Variants in MEF2A observed in about 807,000 individuals in gnomAD.
The protein encoded by MEF2A is myocyte enhancer factor 2A.
A neutral mutation model predicts 55.8 loss-of-function variants in MEF2A; 28 were observed. The ratio of observed to expected loss-of-function variants is 0.50; its 90% CI spans 0.37 to 0.69. The LOEUF is 0.69. Ranked by LOEUF, MEF2A falls within the 30% of genes least tolerant of loss-of-function variation. The pLI, the probability that MEF2A is intolerant of heterozygous loss-of-function variation, is 0.00. For missense variants in MEF2A, 528 were observed against 626.2 expected, an observed-to-expected ratio of 0.84 and a Z score of 1.67; for synonymous variants, 239 against 227.1, an observed-to-expected ratio of 1.05 and a Z score of -0.47.
intron 1 of MEF2A, among the ~76,000 whole-genome samples, chr15:99,597,859 A>G (rs917453775): frequency 6.6e-6 from 1 of 151,658 alleles, no homozygotes; most frequent in Non-Finnish European, 1.5e-5. Context: ...TGAATCATAG[A>G]CAGCCATCAG....
chr15:99,624,946 C>T (rs961586897), intron 2 of MEF2A, among the ~76,000 whole-genome samples: 2 of 152,058 alleles, frequency 1.3e-5, no homozygotes, highest in Non-Finnish European at 1.5e-5. Context: ...TACGATTTTT[C>T]GACTTTACAG....
At chr15:99,635,766 A>G (rs564648172) in intron 3 of MEF2A, among the ~76,000 whole-genome samples, 23 of 152,326 alleles carry the variant, frequency 1.5e-4, no homozygotes, top group Admixed American at 3.9e-4. Flanking sequence ...TATATCTTGT[A>G]CATTTTCATT....
At chr15:99,581,161 T>C (rs1199301238) in intron 1 of MEF2A, among the ~76,000 whole-genome samples, 1 of 152,164 alleles carries the variant, frequency 6.6e-6, no homozygotes, top group East Asian at 1.9e-4. Flanking sequence ...TAGTAAGTAG[T>C]CTGTCAGTAT....
At chr15:99,666,573 T>TA (rs1596986685) in intron 4 of MEF2A, among the ~76,000 whole-genome samples, 1 of 62,902 alleles carries the variant, frequency 1.6e-5, no homozygotes, top group Non-Finnish European at 4.4e-5. Context: ...TCCCAGAACT[T>TA]AAAGTATAAT....
intron 9 of MEF2A, among the ~76,000 whole-genome samples, chr15:99,704,027 C>CA (rs2057739738): frequency 6.6e-6 from 1 of 152,292 alleles, no homozygotes; most frequent in East Asian, 1.9e-4. Flanking sequence ...TGACTAAAAG[C>CA]AGCTTGCAGT....
chr15:99,582,874 G>T (rs962061167), intron 1 of MEF2A, among the ~76,000 whole-genome samples: 5 of 152,026 alleles, frequency 3.3e-5, no homozygotes, highest in African/African-American at 1.2e-4. Context: ...AACTATCCTG[G>T]GATATGTTGT....
rs78907920 is a variant in MEF2A, at chr15:99,656,554, G to A, written c.258+10790G>A. ...AGCACTTGAATTAGGATGGGCTAGT[G>A]CATCTTAGGACAATATGATATGATT... On this transcript the variant is annotated intron_variant, in intron 4 of 11. Transcript: ENST00000557942. Among the ~76,000 whole-genome samples the A allele has an allele frequency of 2.1e-3, 326 of 152,176 alleles. 5 individuals are homozygous for A. In the East Asian group the frequency reaches 0.058, roughly 27 times the overall value.
intron 1 of MEF2A, among the ~76,000 whole-genome samples, chr15:99,567,049 G>C (rs1959961581): frequency 6.6e-6 from 1 of 152,234 alleles, no homozygotes; most frequent in Non-Finnish European, 1.5e-5. Flanking sequence ...TCCTGAATAA[G>C]AAAACAGTTT....
intron 2 of MEF2A, among the ~76,000 whole-genome samples, chr15:99,611,959 A>T (rs2039332730): frequency 6.6e-6 from 1 of 152,246 alleles, no homozygotes; most frequent in East Asian, 1.9e-4. Context: ...CAGAATAGGC[A>T]AATTCCATAG....
intron 7 of MEF2A, chr15:99,681,768 T>C (rs1181709921): frequency 6.6e-6 from 1 of 152,202 alleles, no homozygotes; most frequent in East Asian, 1.9e-4. Context: ...ACCTGTGATC[T>C]TTATTATTTT....
rs1480763158 is a variant in MEF2A, at chr15:99,572,176, C to T, written c.-225+6072C>T. Among the ~76,000 whole-genome samples, 8 of 152,138 alleles carry T rather than the reference C, an allele frequency of 5.3e-5. No individual in the cohort carries two copies. In the East Asian group the frequency reaches 1.5e-3, roughly 29 times the overall value. Reference sequence around the variant, plus strand: ...CTAAATGGCCCTGAATGAGCTTTCTCCTTCTCATCATTCTTCCCCTCATTC... The same window carrying T: ...CTAAATGGCCCTGAATGAGCTTTCTTCTTCTCATCATTCTTCCCCTCATTC... On this transcript the variant is annotated intron_variant, in intron 1 of 11. Coordinates refer to ENST00000557942, the MANE Select transcript of MEF2A (RefSeq NM_001319206.4).
chr15:99,639,996 C>T (rs963031887), intron 3 of MEF2A, among the ~76,000 whole-genome samples: 1 of 152,148 alleles, frequency 6.6e-6, no homozygotes, highest in African/African-American at 2.4e-5. Flanking sequence ...TATGACGGGA[C>T]TTACCATAGT....
chr15:99,636,876 A>G (rs1284399271), intron 3 of MEF2A, among the ~76,000 whole-genome samples: 1 of 152,020 alleles, frequency 6.6e-6, no homozygotes, highest in Non-Finnish European at 1.5e-5. Flanking sequence ...TTTGAGGTGT[A>G]GGGGTCAGGA....
chr15:99,627,866 G>A (rs545274079), intron 2 of MEF2A, among the ~76,000 whole-genome samples: 195 of 152,286 alleles, frequency 1.3e-3, no homozygotes, highest in Non-Finnish European at 2.1e-3. Flanking sequence ...AGGAAAAAAA[G>A]CCAGTGAGAA....
At position 99,599,643 on chromosome 15, in the gene MEF2A, T is replaced by C. The variant is rs185135813; in HGVS notation, c.-143+1132T>C. Among the ~76,000 whole-genome samples, 564 of 152,284 alleles carry C rather than the reference T, an allele frequency of 3.7e-3. 3 individuals are homozygous for C. The highest frequency in any genetic ancestry group is 0.013 in the African/African-American group (531 of 41,562). On this transcript the variant is annotated intron_variant, in intron 2 of 11. Coordinates refer to ENST00000557942, the MANE Select transcript of MEF2A (RefSeq NM_001319206.4). ...GGAGACTAGGAGAAAAAGGCCTGTT[T>C]ATCCAACTGATGCAAAGTACCTTCA...
intron 4 of MEF2A, among the ~76,000 whole-genome samples, chr15:99,658,402 A>C (rs1390493779): frequency 6.6e-6 from 1 of 152,210 alleles, no homozygotes; most frequent in Non-Finnish European, 1.5e-5. Context: ...ATTAAAAGGC[A>C]GAAAATATCA....
intron 2 of MEF2A, among the ~76,000 whole-genome samples, chr15:99,600,224 G>C (rs1453995218): frequency 6.6e-6 from 1 of 152,128 alleles, no homozygotes; most frequent in East Asian, 1.9e-4. Context: ...TTTGAGTCAT[G>C]TTTAGATTTT....
chr15:99,688,242 A>G (rs571706814), intron 7 of MEF2A, among the ~76,000 whole-genome samples: 38 of 152,364 alleles, frequency 2.5e-4, no homozygotes, highest in African/African-American at 8.7e-4. Context: ...CTGGTGAATA[A>G]TAGCTGTTTC....
chr15:99,606,305 A>T (rs891887654), intron 2 of MEF2A, among the ~76,000 whole-genome samples: 2 of 152,214 alleles, frequency 1.3e-5, no homozygotes, highest in Non-Finnish European at 2.9e-5. Context: ...AAGCTAATAT[A>T]GATGAACAGG....
Sources: allele counts gnomAD v4.1 joint callset (sites outside exome capture counted in the v4.1 genomes callset), GRCh38; gene constraint gnomAD v4.1.1; transcripts MANE v1.5; gene names NCBI Gene and HGNC (gene_info 2026-07-23, HGNC 2026-07-21).